Variants in SF3B3 observed in about 807,000 individuals in gnomAD.
The protein encoded by SF3B3 is SAP 130.
In SF3B3, 33 loss-of-function variants were observed where a neutral mutation model predicts 139.2. The observed-to-expected ratio is 0.24, with a 90% CI of 0.18 to 0.32. The LOEUF (loss-of-function observed/expected upper bound fraction) is 0.32. Among genes scored for constraint, SF3B3 ranks in the 10% least tolerant of loss-of-function variants. The probability of loss-of-function intolerance (pLI) is 1.00; values close to 1 mark genes in which losing one functional copy is unlikely to be tolerated. For synonymous variants in SF3B3, 596 were observed against 563.6 expected, an observed-to-expected ratio of 1.06 and a Z score of -0.81; for missense variants, 818 against 1,509.4, an observed-to-expected ratio of 0.54 and a Z score of 7.59.
In SF3B3 at chr16:70,563,903, T is replaced by C; in HGVS notation, c.2316T>C (p.Ala772=). The part of the protein sequence containing the change: ...LRILALEKLG[A]VFNQVAFPLQ... ...TTTTGGCATTAGAGAAGCTCGGTGC[T>C]GTCTTCAATCAAGTAGCCTTCCCAC... The change falls in exon 18 of 26, where the codon GCT becomes GCC. Residue 772 remains alanine (A), a synonymous_variant. Transcript: ENST00000302516. 1 of 1,614,160 alleles carries C rather than the reference T, an allele frequency of 6.2e-7. No individual in the cohort carries two copies. The highest frequency in any genetic ancestry group is 8.5e-7 in the Non-Finnish European group (1 of 1,180,034).
At chr16:70,564,103 G>T in intron 18 of SF3B3, 53 bp downstream of exon 18, 2 of 1,580,662 alleles carry the variant, frequency 1.3e-6, no homozygotes. Flanking sequence ...AAATTATGTT[G>T]AAAAGTTTAA....
At chr16:70,524,759 C>T (rs2050037040) in intron 1 of SF3B3, 1 of 152,200 alleles carries the variant, frequency 6.6e-6, no homozygotes, top group Admixed American at 6.5e-5. Context: ...CTGCTCACTG[C>T]AAGCTCCGCT....
chr16:70,570,312 G>A (rs928491487), intron 24 of SF3B3, among the ~76,000 whole-genome samples, 163 bp downstream of exon 24: 2 of 148,716 alleles, frequency 1.3e-5, no homozygotes, highest in Non-Finnish European at 3.0e-5. Flanking sequence ...TGATTCTCCC[G>A]CACCCAGGGA....
chr16:70,562,146 A>C (rs555127553), intron 17 of SF3B3, among the ~76,000 whole-genome samples: 1 of 152,344 alleles, frequency 6.6e-6, no homozygotes, highest in South Asian at 2.1e-4. Context: ...TGCGGTATTA[A>C]ATCTTAAATG....
Position 70,530,934 on chromosome 16 carries a change from C to G in SF3B3, c.570+17C>G, listed in dbSNP as rs1042949152. 1 of 1,584,696 alleles carries G rather than the reference C, an allele frequency of 6.3e-7. No homozygotes were observed. Among genetic ancestry groups the G allele is most frequent in the Non-Finnish European group, 8.6e-7 (1 of 1,167,710 alleles). ...GATTATGAGGTAATGGGGACCCTGTCTCTTTGCGTTTCTTTCAGTCACCTC... is the reference window on the plus strand; with the variant it reads ...GATTATGAGGTAATGGGGACCCTGTGTCTTTGCGTTTCTTTCAGTCACCTC... On this transcript the variant is annotated intron_variant, in intron 4 of 25. Coordinates refer to ENST00000302516, the MANE Select transcript of SF3B3 (RefSeq NM_012426.5).
rs564422234 is a variant in SF3B3, at chr16:70,540,163, G to A, written c.1067+956G>A. The stretch of plus-strand genomic sequence containing the variant: ...TAATCCAAGCACTTTGGGAGGTTGA[G>A]GCGGGCGGATCACCTGAGGTCGGGA... On this transcript the variant is annotated intron_variant, in intron 8 of 25. Coordinates refer to ENST00000302516, the MANE Select transcript of SF3B3 (RefSeq NM_012426.5). Among the ~76,000 whole-genome samples, 23 of 149,844 alleles carry A rather than the reference G, an allele frequency of 1.5e-4. No homozygotes were observed. In the South Asian group the frequency reaches 4.7e-3, roughly 31 times the overall value.
In SF3B3 at chr16:70,549,458, G is replaced by A. The variant is rs116970737; in HGVS notation, c.1402+1016G>A. ...TATTAGGCACCTGGTTTTATGTGTA[G>A]TATCTACATAGAAGTTGGTCCGTGT... is the stretch of plus-strand genomic sequence containing the variant. On this transcript the variant is annotated intron_variant, in intron 11 of 25. Coordinates refer to ENST00000302516, the MANE Select transcript of SF3B3 (RefSeq NM_012426.5). 6.8e-4 allele frequency among the ~76,000 whole-genome samples: 104 copies of A among 152,296 alleles called. No individual in the cohort carries two copies. The East Asian group carries it at 0.019, about 28-fold the overall frequency.
At position 70,529,058 on chromosome 16, in the gene SF3B3, C is replaced by A; in HGVS notation, c.256C>A (p.Arg86=). Residue 86 remains arginine (R), a synonymous_variant, in exon 3 of 26, where the codon CGA becomes AGA. Transcript: ENST00000302516. ...CATTGTAGTTGGCAGTGACTCTGGT[C>A]GAATTGTTATTTTGGAATACCAGCC... ...DYIVVGSDSG[R]IVILEYQPSK... The A allele has an allele frequency of 6.2e-7, 1 of 1,613,988 alleles. No homozygotes were observed. The highest frequency in any genetic ancestry group is 1.1e-5 in the South Asian group (1 of 91,054).
At chr16:70,550,859 A>G (rs1426058112) in intron 11 of SF3B3, among the ~76,000 whole-genome samples, 1 of 152,232 alleles carries the variant, frequency 6.6e-6, no homozygotes, top group East Asian at 1.9e-4. Flanking sequence ...CTGAGGCAGG[A>G]GTCTGCCTCT....
At chr16:70,564,823 T>C (rs544685089) in intron 18 of SF3B3, among the ~76,000 whole-genome samples, 9 of 152,294 alleles carry the variant, frequency 5.9e-5, no homozygotes, top group Admixed American at 1.3e-4. Flanking sequence ...GCTATTGTTA[T>C]TTTTGGTGTT....
chr16:70,550,350 T>C (rs1381572159), intron 11 of SF3B3: 1 of 152,134 alleles, frequency 6.6e-6, no homozygotes, highest in Non-Finnish European at 1.5e-5. Flanking sequence ...AACTTAGTGA[T>C]AGGCCGTTTG....
chr16:70,556,075 C>A (rs1247377290), intron 13 of SF3B3, 104 bp from the exon 14 acceptor site: 5 of 1,163,092 alleles, frequency 4.3e-6, no homozygotes, highest in Non-Finnish European at 6.2e-6. Context: ...GAACAAAATA[C>A]AACAGCCCTC....
Position 70,529,085 on chromosome 16 carries a change from T to A in SF3B3, c.283T>A (p.Ser95Thr). ...AATTGTTATTTTGGAATACCAGCCA[T>A]CTAAGAATATGTTTGAGAAGATTCA... ...GRIVILEYQP[S>T]KNMFEKIHQE... The change falls in exon 3 of 26, where the codon TCT (serine) becomes ACT (threonine). Residue 95 changes from serine to threonine, a missense_variant. Ser to Thr is a moderately conservative substitution (Grantham distance 58). This residue lies in a region of SF3B3 where 144 missense variants were observed against 259.2 expected (regional missense o/e 0.56). Transcript: ENST00000302516. 1 of 1,614,188 alleles carries A rather than the reference T, an allele frequency of 6.2e-7. No individual in the cohort carries two copies. Among genetic ancestry groups the A allele is most frequent in the Non-Finnish European group, 8.5e-7 (1 of 1,180,008 alleles).
At chr16:70,552,947 G>A (rs1001809555) in intron 11 of SF3B3, among the ~76,000 whole-genome samples, 1 of 152,174 alleles carries the variant, frequency 6.6e-6, no homozygotes, top group Admixed American at 6.5e-5. Flanking sequence ...GTCTCATTCT[G>A]TCACCCAGAT....
At chr16:70,542,404 CAAG>C (rs1437510173) in intron 9 of SF3B3, among the ~76,000 whole-genome samples, 1 of 152,190 alleles carries the variant, frequency 6.6e-6, no homozygotes, top group Non-Finnish European at 1.5e-5. Flanking sequence ...ATCACATTCT[CAAG>C]GAGGAACCTG....
chr16:70,527,397 C>T (rs1189653803), intron 2 of SF3B3, among the ~76,000 whole-genome samples: 1 of 152,096 alleles, frequency 6.6e-6, no homozygotes, highest in Non-Finnish European at 1.5e-5. Context: ...TTGAGTCAAT[C>T]CAAGTAATGC....
At chr16:70,527,013 G>T (rs1460923012) in intron 2 of SF3B3, 4 of 397,402 alleles carry the variant, frequency 1.0e-5, no homozygotes, top group Non-Finnish European at 1.8e-5. Flanking sequence ...ATACTGAGAT[G>T]TGTAAGACCT....
rs531078470 is a variant in SF3B3 at position 70,561,725 on chromosome 16, G to A, written c.2229G>A (p.Ser743=). 8.1e-6 allele frequency: 13 copies of A among 1,613,930 alleles called. No homozygotes were observed. The Admixed American group carries it at 1.2e-4, about 14-fold the overall frequency. ...CTTACGAGACACTGGAATTTGCATC[G>A]GGTTTTGCCTCGGAACAGTGTCCCG... The part of the protein sequence containing the change: ...PLSYETLEFA[S]GFASEQCPEG... The change falls in exon 17 of 26, where the codon TCG becomes TCA. Residue 743 remains serine, a synonymous_variant. Coordinates refer to ENST00000302516, the MANE Select transcript of SF3B3 (RefSeq NM_012426.5).
chr16:70,532,365 A>AAAAAAAAAAT, intron 4 of SF3B3, 114 bp from the exon 5 acceptor site: 1 of 832,818 alleles, frequency 1.2e-6, no homozygotes, highest in Non-Finnish European at 1.8e-6. Context: ...TCCAAAAAAA[A>AAAAAAAAAAT]AAGAAGACAT....
Sources: gnomAD v4.1 joint callset for allele counts (sites outside exome capture counted in the v4.1 genomes callset) on GRCh38, gnomAD v4.1.1 for gene constraint, gnomAD v4.1.1 regional missense constraint, MANE v1.5 for transcripts, NCBI Gene and HGNC (gene_info 2026-07-23, HGNC 2026-07-21) for gene names.